Variants in GADL1 observed in about 807,000 individuals in gnomAD.
GADL1 encodes the protein GAD like acidic amino acid decarboxylase 1.
In GADL1, 71 loss-of-function variants were observed where a neutral mutation model predicts 69.5. The observed-to-expected ratio is 1.02, with a 90% confidence interval of 0.84 to 1.25. GADL1 has a LOEUF of 1.25. Among genes scored for constraint, GADL1 ranks in the 50% most tolerant of loss-of-function variants. The pLI, the probability that GADL1 is intolerant of heterozygous loss-of-function variation, is 0.00. For missense variants in GADL1, 737 were observed against 631.8 expected, an observed-to-expected ratio of 1.17 and a Z score of -1.79; for synonymous variants, 254 against 214.4, an observed-to-expected ratio of 1.18 and a Z score of -1.62.
chr3:30,855,618 C>T (rs1436089555), intron 3 of GADL1, among the ~76,000 whole-genome samples: 1 of 151,956 alleles, frequency 6.6e-6, no homozygotes, highest in East Asian at 1.9e-4. Context: ...TTTTTTCCCC[C>T]CTCCTATAAA....
chr3:30,774,694 T>C (rs1176524838), intron 14 of GADL1, among the ~76,000 whole-genome samples: 2 of 152,196 alleles, frequency 1.3e-5, no homozygotes, highest in Non-Finnish European at 2.9e-5. Context: ...TGTTGCCTTT[T>C]ACAAAACTGT....
chr3:30,772,027 G>A lies in GADL1; in HGVS notation c.1392+6152C>T, dbSNP rs576576394. Among the ~76,000 whole-genome samples the A allele has an allele frequency of 6.0e-5, 9 of 150,994 alleles. No homozygotes were observed. The South Asian group carries it at 1.1e-3, about 18-fold the overall frequency. ...GATGTCTTCACTGTGAGGTTTCCAC[G>A]GAAGCACATCACCCTACTCAGATTA... On this transcript the variant is annotated intron_variant, in intron 14 of 14. Transcript: ENST00000282538.
chr3:30,770,704 G>A lies in GADL1; in HGVS notation c.1392+7475C>T, dbSNP rs554085003. ...TCTCATCCTGACCTCAGGCCCGTGA[G>A]CTCAGCCTCAGCCTGCAGAAATGCC... On this transcript the variant is annotated intron_variant, in intron 14 of 14. Coordinates refer to ENST00000282538, the MANE Select transcript of GADL1 (RefSeq NM_207359.3). Among the ~76,000 whole-genome samples, 3 of 152,260 alleles carry A rather than the reference G, an allele frequency of 2.0e-5. No homozygotes were observed. The South Asian group carries it at 6.2e-4, about 32-fold the overall frequency.
intron 11 of GADL1, among the ~76,000 whole-genome samples, chr3:30,814,137 G>A (rs982881317): frequency 1.3e-5 from 2 of 152,098 alleles, no homozygotes; most frequent in African/African-American, 2.4e-5. Flanking sequence ...AAAACAGAAG[G>A]TGTCTTCATT....
At chr3:30,776,013 G>C (rs1696527956) in intron 14 of GADL1, among the ~76,000 whole-genome samples, 1 of 152,164 alleles carries the variant, frequency 6.6e-6, no homozygotes, top group African/African-American at 2.4e-5. Context: ...TTGAACCCGA[G>C]AGGCGGAGGT....
At chr3:30,760,360 GTC>G (rs1199504216) in intron 14 of GADL1, among the ~76,000 whole-genome samples, 1 of 152,008 alleles carries the variant, frequency 6.6e-6, no homozygotes, top group Admixed American at 6.6e-5. Context: ...TTAAGCTTTA[GTC>G]TCTTTTAAAT....
intron 14 of GADL1, among the ~76,000 whole-genome samples, chr3:30,739,221 T>C (rs202235076): frequency 1.3e-5 from 2 of 152,292 alleles, no homozygotes; most frequent in African/African-American, 4.8e-5. Flanking sequence ...AGGGAGCCCA[T>C]GGCGTTATGC....
chr3:30,763,408 C>T (rs1182732775), intron 14 of GADL1, among the ~76,000 whole-genome samples: 2 of 120,288 alleles, frequency 1.7e-5, no homozygotes, highest in Non-Finnish European at 3.6e-5. Context: ...GAGGATGAGG[C>T]AGGAGAATGG....
At chr3:30,760,564 C>T (rs1696103397) in intron 14 of GADL1, among the ~76,000 whole-genome samples, 1 of 152,146 alleles carries the variant, frequency 6.6e-6, no homozygotes, top group East Asian at 1.9e-4. Flanking sequence ...TACCATCTTC[C>T]AGGCCATCTA....
At chr3:30,790,387 T>C (rs1383209829) in intron 12 of GADL1, among the ~76,000 whole-genome samples, 1 of 152,074 alleles carries the variant, frequency 6.6e-6, no homozygotes, top group Non-Finnish European at 1.5e-5. Flanking sequence ...TACCAAAACA[T>C]AACACAGACA....
intron 11 of GADL1, among the ~76,000 whole-genome samples, chr3:30,830,559 A>C (rs965684392): frequency 6.6e-6 from 1 of 151,736 alleles, no homozygotes; most frequent in East Asian, 1.9e-4. Flanking sequence ...CTTCATGGGG[A>C]ATCCTTCCTC....
At chr3:30,734,675 T>C (rs971530277) in intron 14 of GADL1, among the ~76,000 whole-genome samples, 2 of 152,164 alleles carry the variant, frequency 1.3e-5, no homozygotes, top group African/African-American at 4.8e-5. Flanking sequence ...ACGGATAGTT[T>C]CACCAAATAA....
At chr3:30,758,543 G>C (rs1696037425) in intron 14 of GADL1, among the ~76,000 whole-genome samples, 1 of 152,180 alleles carries the variant, frequency 6.6e-6, no homozygotes, top group South Asian at 2.1e-4. Context: ...GGGTGGTTGA[G>C]AGGACTCTAA....
intron 14 of GADL1, among the ~76,000 whole-genome samples, chr3:30,757,187 AAT>A (rs1256866126): frequency 6.6e-6 from 1 of 152,138 alleles, no homozygotes; most frequent in Non-Finnish European, 1.5e-5. Context: ...TGATTGAAAA[AAT>A]AAGAAATGGC....
At chr3:30,835,303 A>G (rs1697856407) in intron 9 of GADL1, among the ~76,000 whole-genome samples, 1 of 152,118 alleles carries the variant, frequency 6.6e-6, no homozygotes, top group Admixed American at 6.5e-5. Flanking sequence ...GGCAATAGGT[A>G]AGTTCAGGGG....
intron 9 of GADL1, among the ~76,000 whole-genome samples, chr3:30,837,551 C>A (rs1575227972): frequency 6.6e-6 from 1 of 152,210 alleles, no homozygotes; most frequent in East Asian, 1.9e-4. Flanking sequence ...TTTCTCTAAG[C>A]CCCATAAATC....
chr3:30,790,130 CTTCCT>C (rs1407386363), intron 12 of GADL1, among the ~76,000 whole-genome samples: 1 of 152,136 alleles, frequency 6.6e-6, no homozygotes, highest in African/African-American at 2.4e-5. Flanking sequence ...ACATGTGACT[CTTCCT>C]TTCATTTGAA....
At chr3:30,838,280 C>A (rs931557) in intron 9 of GADL1, among the ~76,000 whole-genome samples, 82,949 of 151,966 alleles carry the variant, frequency 0.55, 26,248 homozygotes, top group African/African-American at 0.88. Flanking sequence ...TAAAAAGCTC[C>A]ACAAGTGTTC....
rs377501502 is a variant in GADL1, at chr3:30,894,557, G to A, written c.37+21C>T. 111 of 1,544,714 alleles carry A rather than the reference G, an allele frequency of 7.2e-5. No homozygotes were observed. In the African/African-American group the frequency reaches 1.1e-3, roughly 16 times the overall value. On this transcript the variant is annotated intron_variant, in intron 1 of 14. Coordinates refer to ENST00000282538, the MANE Select transcript of GADL1 (RefSeq NM_207359.3). Reference sequence around the variant, plus strand: ...ACAGGGGAGGTTAAGGACAAAAACCGCAGCCGCGCTGAGTCGTTACCGTCC... The same window carrying A: ...ACAGGGGAGGTTAAGGACAAAAACCACAGCCGCGCTGAGTCGTTACCGTCC...
Sources: allele counts gnomAD v4.1 joint callset (sites outside exome capture counted in the v4.1 genomes callset), GRCh38; gene constraint gnomAD v4.1.1; transcripts MANE v1.5; gene names NCBI Gene and HGNC (gene_info 2026-07-23, HGNC 2026-07-21).